The following TYW1B variants were observed in gnomAD, a reference collection of about 807,000 sequenced individuals.
TYW1B encodes S-adenosyl-L-methionine-dependent tRNA 4-demethylwyosine synthase TYW1B.
Under a neutral mutation model 86.9 loss-of-function variants are expected in TYW1B, and 73 were observed. That is an observed-to-expected ratio of 0.84 (90% CI 0.70 to 1.02). The LOEUF is 1.02. Ranked by LOEUF, TYW1B falls within the 50% of genes least tolerant of loss-of-function variation. The pLI, the probability that TYW1B is intolerant of heterozygous loss-of-function variation, is 0.00. For missense variants in TYW1B, 637 were observed against 827.4 expected (o/e 0.77, Z 2.82); for synonymous variants, 248 against 292.8 (o/e 0.85, Z 1.56).
chr7:72,763,524 C>T (rs1787722778), intron 7 of TYW1B, among the ~76,000 whole-genome samples: 1 of 152,042 alleles, frequency 6.6e-6, no homozygotes, highest in African/African-American at 2.4e-5. Flanking sequence ...CCTTGTGATC[C>T]ACCCGCCTCG....
intron 9 of TYW1B, 140 bp downstream of exon 9, chr7:72,728,682 A>G: frequency 1.2e-6 from 1 of 824,428 alleles, no homozygotes; most frequent in Non-Finnish European, 1.9e-6. Context: ...AATATATATA[A>G]TATTCCTACG....
intron 13 of TYW1B, among the ~76,000 whole-genome samples, chr7:72,602,774 A>C (rs1329468737): frequency 2.0e-5 from 3 of 151,152 alleles, no homozygotes; most frequent in African/African-American, 7.3e-5. Context: ...GTAAGTTGGG[A>C]CCATCTGTGT....
intron 9 of TYW1B, among the ~76,000 whole-genome samples, chr7:72,726,361 A>ATTTTTTT (rs1554458727): frequency 6.8e-6 from 1 of 146,332 alleles, no homozygotes. Flanking sequence ...TTATTGACTA[A>ATTTTTTT]TTTTTTTTGT....
chr7:72,640,904 G>C (rs113025538), intron 11 of TYW1B, among the ~76,000 whole-genome samples: 14 of 151,754 alleles, frequency 9.2e-5, no homozygotes, highest in Admixed American at 2.0e-4. Context: ...AACAGGGTTA[G>C]GAAAGAGAAA....
At position 72,807,266 on chromosome 7, in the gene TYW1B, T is replaced by G; in HGVS notation, c.523A>C (p.Lys175Gln). Residue 175 changes from lysine to glutamine, a missense_variant, in exon 5 of 14, where the codon AAG becomes CAG. By Grantham distance (53) the Lys-to-Gln change is moderately conservative (BLOSUM62 1). Coordinates refer to ENST00000620995, the MANE Select transcript of TYW1B (RefSeq NM_001145440.3). ...AAGTTGGCCTCAATGCTGCCGTGCT[T>G]GCTTTTAACCACGTCGCAGTCGCCC... ...GEGDCDVVKS[K>Q]HGSIEANFRA... is the part of the protein sequence containing the mutation. The G allele has an allele frequency of 6.2e-7, 1 of 1,614,216 alleles. No individual in the cohort carries two copies. Among genetic ancestry groups the G allele is most frequent in the South Asian group, 1.1e-5 (1 of 91,088 alleles).
At chr7:72,717,825 G>A (rs1786820373) in intron 9 of TYW1B, among the ~76,000 whole-genome samples, 2 of 152,120 alleles carry the variant, frequency 1.3e-5, no homozygotes, top group South Asian at 4.1e-4. Context: ...TAGTCAGAAT[G>A]GCTATTATTA....
At chr7:72,617,277 T>C (rs533311739) in intron 12 of TYW1B, among the ~76,000 whole-genome samples, 1 of 152,250 alleles carries the variant, frequency 6.6e-6, no homozygotes, top group Admixed American at 6.5e-5. Context: ...ACTGGGAAAA[T>C]AAGCTGAGCT....
intron 6 of TYW1B, among the ~76,000 whole-genome samples, chr7:72,791,695 TGAACCTG>T (rs1788222740): frequency 6.6e-6 from 1 of 152,142 alleles, no homozygotes; most frequent in South Asian, 2.1e-4. Context: ...GAGAATCGCT[TGAACCTG>T]GAAGGTGGAG....
chr7:72,652,205 C>T (rs1554442905), intron 11 of TYW1B, among the ~76,000 whole-genome samples: 2 of 151,540 alleles, frequency 1.3e-5, no homozygotes, highest in African/African-American at 4.8e-5. Flanking sequence ...TGAAACCCCG[C>T]CTCTACTAAA....
chr7:72,696,154 A>G (rs1341111521), intron 10 of TYW1B, among the ~76,000 whole-genome samples: 1 of 151,500 alleles, frequency 6.6e-6, no homozygotes, highest in Non-Finnish European at 1.5e-5. Context: ...CACTATGTTG[A>G]TCAGGCTGGT....
intron 11 of TYW1B, among the ~76,000 whole-genome samples, chr7:72,632,335 ACGT>A (rs1812525194): frequency 1.3e-5 from 1 of 78,854 alleles, no homozygotes; most frequent in African/African-American, 7.2e-5. Context: ...ATATATATAC[ACGT>A]ATATATATTA....
At chr7:72,672,325 A>T (rs1224268106) in intron 11 of TYW1B, among the ~76,000 whole-genome samples, 2 of 151,660 alleles carry the variant, frequency 1.3e-5, no homozygotes, top group Non-Finnish European at 2.9e-5. Context: ...ATGGACTAAT[A>T]CCCAAGGGAT....
chr7:72,759,438 G>A (rs1692511005), intron 7 of TYW1B, among the ~76,000 whole-genome samples: 1 of 140,432 alleles, frequency 7.1e-6, no homozygotes, highest in African/African-American at 2.6e-5. Flanking sequence ...AGATTAATAA[G>A]AAATGGAATA....
intron 2 of TYW1B, among the ~76,000 whole-genome samples, chr7:72,822,004 C>T (rs1475984963): frequency 2.6e-5 from 4 of 151,490 alleles, no homozygotes; most frequent in African/African-American, 9.7e-5. Context: ...CTAACACTTT[C>T]AGTAGCCGAG....
At chr7:72,745,377 AG>A (rs1787376388) in intron 7 of TYW1B, among the ~76,000 whole-genome samples, 1 of 152,178 alleles carries the variant, frequency 6.6e-6, no homozygotes, top group African/African-American at 2.4e-5. Flanking sequence ...CAGGTATACA[AG>A]AAATACATTA....
intron 10 of TYW1B, among the ~76,000 whole-genome samples, chr7:72,703,026 A>ATATATT (rs1563064838): frequency 3.4e-4 from 12 of 35,194 alleles, no homozygotes; most frequent in South Asian, 2.3e-3. Context: ...ATATATATAT[A>ATATATT]TTTTTTTTTT....
chr7:72,657,430 A>T (rs1813230815), intron 11 of TYW1B, among the ~76,000 whole-genome samples: 2 of 152,188 alleles, frequency 1.3e-5, no homozygotes, highest in South Asian at 4.1e-4. Context: ...AACCTATTTA[A>T]TAAAATAATA....
chr7:72,739,988 T>C (rs1314054658), intron 8 of TYW1B, among the ~76,000 whole-genome samples: 2 of 147,988 alleles, frequency 1.4e-5, no homozygotes, highest in African/African-American at 5.0e-5. Flanking sequence ...TCCCGGCACT[T>C]TGGAAGGCCA....
intron 11 of TYW1B, among the ~76,000 whole-genome samples, chr7:72,678,442 C>T (rs1461427319): frequency 6.6e-6 from 1 of 152,078 alleles, no homozygotes; most frequent in Non-Finnish European, 1.5e-5. Context: ...TAGACAAAGG[C>T]AAACAGCCAA....
Sources: allele counts gnomAD v4.1 joint callset (sites outside exome capture counted in the v4.1 genomes callset), GRCh38; gene constraint gnomAD v4.1.1; transcripts MANE v1.5; gene names NCBI Gene and HGNC (gene_info 2026-07-23, HGNC 2026-07-21).